RMDN2: variants seen among roughly 807,000 people sequenced by gnomAD.
The protein encoded by RMDN2 is regulator of microtubule dynamics protein 2.
In RMDN2, 61 loss-of-function variants were observed where a neutral mutation model predicts 52.8. The observed-to-expected ratio is 1.16, with a 90% CI of 0.94 to 1.43. RMDN2 has a LOEUF of 1.43. RMDN2 is among the 40% of genes most tolerant of loss of function. The pLI is 0.00. For synonymous variants in RMDN2, 180 were observed against 153.1 expected, an observed-to-expected ratio of 1.18 and a Z score of -1.30; for missense variants, 592 against 475.3, an observed-to-expected ratio of 1.25 and a Z score of -2.28.
intron 1 of RMDN2, among the ~76,000 whole-genome samples, chr2:37,927,133 A>G (rs1225141785): frequency 6.6e-6 from 1 of 152,238 alleles, no homozygotes; most frequent in Non-Finnish European, 1.5e-5. Flanking sequence ...TTAAAACATC[A>G]GCTCCGTTGA....
At position 37,992,946 on chromosome 2, in the gene RMDN2, G is replaced by A. The variant is rs192054538; in HGVS notation, c.945+1649G>A. Among the ~76,000 whole-genome samples the A allele has an allele frequency of 1.1e-3, 172 of 151,618 alleles. 1 individual carries two copies. Among genetic ancestry groups the A allele is most frequent in the African/African-American group, 3.9e-3 (161 of 41,330 alleles). ...CTTTTCTTTTCTTTGACCAAGTCTC[G>A]CTCTGGCACCCAGGCTGGAGTGCAG... is the stretch of plus-strand genomic sequence containing the variant. On this transcript the variant is annotated intron_variant, in intron 7 of 10. Transcript: ENST00000354545.
intron 7 of RMDN2, 39 bp downstream of exon 7, chr2:37,991,336 A>G (rs1375077863): frequency 2.9e-6 from 3 of 1,022,740 alleles, no homozygotes; most frequent in Non-Finnish European, 4.2e-6. Context: ...TTATTTGAAT[A>G]TACTATGATT....
chr2:37,946,657 G>C lies in RMDN2; in HGVS notation c.452+16928G>C, dbSNP rs376153560. Among the ~76,000 whole-genome samples, 6 of 152,196 alleles carry C rather than the reference G, an allele frequency of 3.9e-5. No individual in the cohort carries two copies. In the East Asian group the frequency reaches 1.2e-3, roughly 29 times the overall value. ...AACATGAATAAGGATTACTCAGGAGGTGGTTGCCCCATTTGAGATTCAAGA... is the reference window on the plus strand; with the variant it reads ...AACATGAATAAGGATTACTCAGGAGCTGGTTGCCCCATTTGAGATTCAAGA... On this transcript the variant is annotated intron_variant, in intron 2 of 10. Transcript: ENST00000354545.
chr2:38,015,631 A>G (rs1473333086), intron 10 of RMDN2, among the ~76,000 whole-genome samples: 2 of 152,216 alleles, frequency 1.3e-5, no homozygotes, highest in Non-Finnish European at 2.9e-5. Flanking sequence ...TTTTACTCAG[A>G]AAGAGTAGAC....
At chr2:37,959,376 C>G (rs886966950) in intron 2 of RMDN2, among the ~76,000 whole-genome samples, 1 of 150,826 alleles carries the variant, frequency 6.6e-6, no homozygotes, top group Non-Finnish European at 1.5e-5. Context: ...CTGGTTTAGT[C>G]TTGGGAGGGT....
chr2:37,932,810 G>A (rs1316955142), intron 2 of RMDN2, among the ~76,000 whole-genome samples: 2 of 132,942 alleles, frequency 1.5e-5, no homozygotes, highest in African/African-American at 2.7e-5. Flanking sequence ...CTGGCTGGGC[G>A]GGGGGCTGAC....
chr2:37,925,227 G>A (rs1281453028), upstream of RMDN2: 2 of 152,324 alleles, frequency 1.3e-5, no homozygotes, highest in Admixed American at 6.5e-5. Flanking sequence ...ACCACGAGAG[G>A]GAGAGGGGGC....
Position 37,925,981 on chromosome 2 carries a change from C to A in RMDN2, c.-17+556C>A, listed in dbSNP as rs77655293. ...AAATAAATTATAAAATACAAAAAAA[C>A]CATGAAAACCTGATGAAATGAACAA... On this transcript the variant is annotated intron_variant, in intron 1 of 10. Coordinates refer to ENST00000354545, the MANE Select transcript of RMDN2 (RefSeq NM_001170791.3). 7.2e-3 allele frequency among the ~76,000 whole-genome samples: 1,092 copies of A among 152,280 alleles called. 11 individuals carry two copies. The highest frequency in any genetic ancestry group is 0.025 in the African/African-American group (1,034 of 41,552).
intron 4 of RMDN2, among the ~76,000 whole-genome samples, chr2:37,976,636 C>A (rs547532039): frequency 6.6e-6 from 1 of 152,258 alleles, no homozygotes; most frequent in African/African-American, 2.4e-5. Flanking sequence ...TATTCATCAT[C>A]AGCTTTGTGG....
intron 7 of RMDN2, among the ~76,000 whole-genome samples, chr2:37,993,900 C>T (rs891452901): frequency 6.6e-6 from 1 of 152,152 alleles, no homozygotes; most frequent in Non-Finnish European, 1.5e-5. Flanking sequence ...AAGCCGTTTA[C>T]CCAACCTCAC....
intron 2 of RMDN2, among the ~76,000 whole-genome samples, chr2:37,966,444 G>A (rs544196240): frequency 9.8e-6 from 1 of 101,792 alleles, no homozygotes; most frequent in South Asian, 4.1e-4. Context: ...TCTTACATTT[G>A]TATTTCATTG....
chr2:38,009,581 C>G (rs1411421734), intron 10 of RMDN2, among the ~76,000 whole-genome samples: 1 of 152,198 alleles, frequency 6.6e-6, no homozygotes, highest in Non-Finnish European at 1.5e-5. Flanking sequence ...AAGGAATTCT[C>G]TGCGTTGATT....
intron 2 of RMDN2, chr2:37,950,393 A>G (rs1668625998): frequency 1.3e-6 from 2 of 1,557,516 alleles, no homozygotes; most frequent in East Asian, 2.3e-5. Flanking sequence ...GAACAGTTCT[A>G]ATATAAACTG....
At chr2:37,959,814 G>C (rs1264669438) in intron 2 of RMDN2, among the ~76,000 whole-genome samples, 1 of 150,890 alleles carries the variant, frequency 6.6e-6, no homozygotes, top group African/African-American at 2.5e-5. Context: ...TCTAATCACT[G>C]CGTTAGCTGT....
At chr2:37,933,764 A>G (rs1667057140) in intron 2 of RMDN2, among the ~76,000 whole-genome samples, 1 of 149,278 alleles carries the variant, frequency 6.7e-6, no homozygotes, top group African/African-American at 2.5e-5. Context: ...AGACCGTGGA[A>G]AGAGAGGGAG....
At chr2:37,958,943 G>A (rs1572804111) in intron 2 of RMDN2, among the ~76,000 whole-genome samples, 1 of 151,188 alleles carries the variant, frequency 6.6e-6, no homozygotes, top group Middle Eastern at 3.4e-3. Context: ...CTGTTTATGT[G>A]ATGGATTACG....
chr2:37,973,090 TTG>T (rs765224934), intron 2 of RMDN2, among the ~76,000 whole-genome samples: 10 of 121,330 alleles, frequency 8.2e-5, no homozygotes, highest in African/African-American at 2.9e-4. Flanking sequence ...TATCTAAAAT[TTG>T]TGTGTTTTTT....
intron 10 of RMDN2, among the ~76,000 whole-genome samples, chr2:38,008,374 A>G (rs578135111): frequency 6.6e-6 from 1 of 152,270 alleles, no homozygotes; most frequent in East Asian, 1.9e-4. Flanking sequence ...GACTTGTTTT[A>G]TGAATCTGGG....
At chr2:37,923,657 T>C (rs1392045235), upstream of RMDN2, among the ~76,000 whole-genome samples, 1 of 152,160 alleles carries the variant, frequency 6.6e-6, no homozygotes, top group Non-Finnish European at 1.5e-5. Context: ...CCATAATAAA[T>C]AGGAGTGAAG....
Sources: gnomAD v4.1 joint callset for allele counts (sites outside exome capture counted in the v4.1 genomes callset) on GRCh38, gnomAD v4.1.1 for gene constraint, MANE v1.5 for transcripts, NCBI Gene and HGNC (gene_info 2026-07-23, HGNC 2026-07-21) for gene names.